Variants in SLC16A12 observed in about 807,000 individuals in gnomAD.
The protein encoded by SLC16A12 is solute carrier family 16 member 12, also known as monocarboxylate transporter 12.
Under a neutral mutation model 42.4 loss-of-function variants are expected in SLC16A12, and 17 were observed. The ratio of observed to expected loss-of-function variants is 0.40; its 90% CI spans 0.27 to 0.60. The LOEUF is 0.60. SLC16A12 is among the 20% of genes least tolerant of loss of function. The probability of loss-of-function intolerance (pLI) is 0.42; values close to 1 mark genes in which losing one functional copy is unlikely to be tolerated. For synonymous variants in SLC16A12, 224 were observed against 229.4 expected (o/e 0.98, Z 0.21); for missense variants, 544 against 623.0 (o/e 0.87, Z 1.35).
chr10:89,513,387 G>A (rs1222546593), intron 2 of SLC16A12, among the ~76,000 whole-genome samples: 1 of 152,144 alleles, frequency 6.6e-6, no homozygotes, highest in African/African-American at 2.4e-5. Context: ...AAAAAGATGT[G>A]TGATTCAATC....
At chr10:89,516,647 T>G (rs1408779705) in intron 2 of SLC16A12, among the ~76,000 whole-genome samples, 3 of 152,238 alleles carry the variant, frequency 2.0e-5, no homozygotes, top group Non-Finnish European at 4.4e-5. Flanking sequence ...CCTCCAAACT[T>G]AACTCTATCT....
chr10:89,490,830 C>T (rs777606476), intron 2 of SLC16A12, among the ~76,000 whole-genome samples: 4 of 152,168 alleles, frequency 2.6e-5, no homozygotes, highest in Non-Finnish European at 5.9e-5. Flanking sequence ...GAAAGTCCAA[C>T]CCTTTAGTCA....
At chr10:89,555,632 C>T (rs1439966042) in intron 2 of SLC16A12, among the ~76,000 whole-genome samples, 3 of 140,810 alleles carry the variant, frequency 2.1e-5, no homozygotes. Flanking sequence ...TGTATATATA[C>T]ACATATATAC....
intron 2 of SLC16A12, among the ~76,000 whole-genome samples, chr10:89,515,331 G>T (rs1007131000): frequency 2.0e-5 from 3 of 152,106 alleles, no homozygotes; most frequent in Admixed American, 6.6e-5. Flanking sequence ...GCGCTCCTAG[G>T]TTCACATGCA....
chr10:89,464,918 T>A (rs918267854), intron 2 of SLC16A12, among the ~76,000 whole-genome samples: 1 of 152,172 alleles, frequency 6.6e-6, no homozygotes, highest in African/African-American at 2.4e-5. Flanking sequence ...ACAACTGAAA[T>A]TATAAATCTA....
chr10:89,542,364 G>A (rs932352718), intron 2 of SLC16A12, among the ~76,000 whole-genome samples: 2 of 146,694 alleles, frequency 1.4e-5, no homozygotes, highest in Non-Finnish European at 3.0e-5. Context: ...GTGCAGTGGT[G>A]TGATCTCGAC....
intron 2 of SLC16A12, among the ~76,000 whole-genome samples, chr10:89,554,871 GT>G (rs1843799470): frequency 6.6e-6 from 1 of 152,108 alleles, no homozygotes; most frequent in South Asian, 2.1e-4. Context: ...TAATGTCTAA[GT>G]CCCCTTTCAT....
chr10:89,482,474 A>G (rs928011849), intron 2 of SLC16A12, among the ~76,000 whole-genome samples: 23 of 152,108 alleles, frequency 1.5e-4, no homozygotes, highest in Admixed American at 1.5e-3. Flanking sequence ...CAAGGATGAG[A>G]AGTCATAGTT....
At chr10:89,551,703 A>T (rs539562882) in intron 2 of SLC16A12, among the ~76,000 whole-genome samples, 61 of 152,156 alleles carry the variant, frequency 4.0e-4, no homozygotes, top group Non-Finnish European at 7.2e-4. Flanking sequence ...TGATGGTTTT[A>T]TCAGGGGTTT....
Position 89,433,224 on chromosome 10 carries a change from T to C in SLC16A12, c.1391A>G (p.Lys464Arg). The change falls in exon 8 of 8, where the codon AAG becomes AGG. Residue 464 changes from lysine to arginine, a missense_variant. By Grantham distance (26) the Lys-to-Arg change is conservative. Coordinates refer to ENST00000371790, the MANE Select transcript of SLC16A12 (RefSeq NM_213606.4). ...CTGCAACTGGGTTTTTCTCATTCTC[T>C]TTATAAGTCTAGCAAAGCCAAGCAA... Reference protein sequence around the residue: ...SVLLGFARLIKRMRKTQLQFI... With the variant: ...SVLLGFARLIRRMRKTQLQFI... 1 of 1,614,230 alleles carries C rather than the reference T, an allele frequency of 6.2e-7. No individual in the cohort carries two copies.
intron 2 of SLC16A12, among the ~76,000 whole-genome samples, chr10:89,514,896 G>T (rs980629214): frequency 1.2e-4 from 18 of 152,120 alleles, no homozygotes; most frequent in Admixed American, 5.9e-4. Context: ...TTCGAGACCA[G>T]CCTGGCCAAC....
At chr10:89,499,230 C>T (rs180870779) in intron 2 of SLC16A12, among the ~76,000 whole-genome samples, 182 of 152,222 alleles carry the variant, frequency 1.2e-3, no homozygotes, top group Middle Eastern at 6.8e-3. Context: ...TCAAAAAAAG[C>T]GATATCAATG....
intron 2 of SLC16A12, among the ~76,000 whole-genome samples, chr10:89,552,108 G>A (rs1468343922): frequency 6.6e-6 from 1 of 151,960 alleles, no homozygotes; most frequent in Non-Finnish European, 1.5e-5. Context: ...GCTAATTTTT[G>A]TATTTTTAGT....
intron 2 of SLC16A12, among the ~76,000 whole-genome samples, chr10:89,531,437 C>A (rs968408148): frequency 7.9e-5 from 12 of 152,016 alleles, no homozygotes; most frequent in Admixed American, 6.6e-4. Context: ...GTACAACTGG[C>A]ATAAACTGGA....
intron 2 of SLC16A12, among the ~76,000 whole-genome samples, chr10:89,472,478 CTTTTCTTTCTT>C (rs1842513466): frequency 1.6e-5 from 2 of 126,120 alleles, no homozygotes; most frequent in African/African-American, 2.9e-5. Flanking sequence ...CTTTTCTTTT[CTTTTCTTTCTT>C]TTTTTTTTTT....
chr10:89,469,252 A>T (rs1287754163), intron 2 of SLC16A12, among the ~76,000 whole-genome samples: 1 of 152,178 alleles, frequency 6.6e-6, no homozygotes, highest in East Asian at 1.9e-4. Context: ...CTTCGGAAAA[A>T]TTTTCTGAGA....
intron 4 of SLC16A12, 78 bp downstream of exon 4, chr10:89,443,678 T>A (rs943843835): frequency 2.9e-6 from 3 of 1,051,692 alleles, no homozygotes; most frequent in Non-Finnish European, 4.5e-6. Flanking sequence ...AAACTAGTAA[T>A]CAAAGTCAGT....
intron 3 of SLC16A12, chr10:89,455,947 G>C (rs1168898708): frequency 2.6e-5 from 4 of 152,188 alleles, no homozygotes; most frequent in Non-Finnish European, 5.9e-5. Context: ...TGGAAACAAA[G>C]TATCACCAAG....
intron 2 of SLC16A12, among the ~76,000 whole-genome samples, chr10:89,510,954 A>G (rs1211264882): frequency 4.6e-5 from 7 of 152,252 alleles, no homozygotes; most frequent in African/African-American, 1.4e-4. Flanking sequence ...GAAGACATTT[A>G]TGCAGCCAAC....
Sources: allele counts gnomAD v4.1 joint callset (sites outside exome capture counted in the v4.1 genomes callset), GRCh38; gene constraint gnomAD v4.1.1; transcripts MANE v1.5; gene names NCBI Gene and HGNC (gene_info 2026-07-23, HGNC 2026-07-21).